Variants in RFLNA observed in about 807,000 individuals in gnomAD.
The protein encoded by RFLNA is refilin A.
In RFLNA, 5 loss-of-function variants were observed where a neutral mutation model predicts 7.8. The ratio of observed to expected loss-of-function variants is 0.64; its 90% CI spans 0.34 to 1.35. RFLNA has a LOEUF of 1.35. Ranked by LOEUF, RFLNA falls within the 40% of genes most tolerant of loss-of-function variation. The pLI, the probability that RFLNA is intolerant of heterozygous loss-of-function variation, is 0.04. For synonymous variants in RFLNA, 141 were observed against 131.3 expected (o/e 1.07, Z -0.50); for missense variants, 278 against 305.5 (o/e 0.91, Z 0.67).
intron 1 of RFLNA, among the ~76,000 whole-genome samples, chr12:124,311,029 T>C (rs1239790418): frequency 1.3e-5 from 2 of 152,184 alleles, no homozygotes; most frequent in Non-Finnish European, 2.9e-5. Context: ...ATCTTTCACA[T>C]CTTTGACTCC....
rs2034320159 is a variant in RFLNA at position 124,314,709 on chromosome 12, G to A, written c.*184G>A. Reference sequence around the variant, plus strand: ...TGCCCTGACCTACAGGCTAGGTGGTGGTCTCCTTGTTTTGGTGTCAAGGAC... The same window carrying A: ...TGCCCTGACCTACAGGCTAGGTGGTAGTCTCCTTGTTTTGGTGTCAAGGAC... On this transcript the variant is annotated 3_prime_UTR_variant, in exon 3 of 3. Transcript: ENST00000546355. 3.0e-6 allele frequency: 3 copies of A among 1,005,192 alleles called. No individual in the cohort carries two copies. The highest frequency in any genetic ancestry group is 2.6e-5 in the East Asian group (1 of 38,486). 62.3% of individuals were successfully genotyped at this position (1,005,192 alleles called of 1,614,324 possible). A position where few individuals can be genotyped will look rare whatever the true frequency, so the allele number is the denominator to read the frequency against.
Position 124,314,334 on chromosome 12 carries a change from A to G in RFLNA, c.460A>G (p.Thr154Ala). ...CTWRNYRSQL[T>A]LEPRPRALRF... is the part of the protein sequence containing the mutation. ...GTGGCGCAACTACCGCAGCCAGCTG[A>G]CCCTGGAGCCACGCCCGCGCGCCCT... Residue 154 changes from threonine (T) to alanine (A), a missense_variant, in exon 3 of 3, where the codon ACC (threonine) becomes GCC (alanine). Transcript: ENST00000546355. 6.2e-7 allele frequency: 1 copy of G among 1,613,434 alleles called. No homozygotes were observed. Among genetic ancestry groups the G allele is most frequent in the Non-Finnish European group, 8.5e-7 (1 of 1,179,996 alleles).
At chr12:124,296,072 T>TTTTCTTTCTTCTTTCTTTCTTTC (rs2033904412) in intron 1 of RFLNA, among the ~76,000 whole-genome samples, 5 of 94,650 alleles carry the variant, frequency 5.3e-5, no homozygotes, top group Non-Finnish European at 1.0e-4. Context: ...TGTGAAAGCC[T>TTTTCTTTCTTCTTTCTTTCTTTC]TTTCTTTCTT....
chr12:124,304,217 CTTCCCT>C (rs1174664600), intron 1 of RFLNA, among the ~76,000 whole-genome samples: 6 of 152,388 alleles, frequency 3.9e-5, no homozygotes, highest in Non-Finnish European at 8.8e-5. Flanking sequence ...CTGCCACCAT[CTTCCCT>C]TGGTGTCCAG....
chr12:124,294,910 G>C (rs1049695320), upstream of RFLNA, among the ~76,000 whole-genome samples: 3 of 152,226 alleles, frequency 2.0e-5, no homozygotes, highest in African/African-American at 7.2e-5. Flanking sequence ...TGCTTGTTCC[G>C]GGAGTGGGGG....
chr12:124,302,745 G>C (rs1216532148), intron 1 of RFLNA, among the ~76,000 whole-genome samples: 1 of 148,288 alleles, frequency 6.7e-6, no homozygotes, highest in Non-Finnish European at 1.5e-5. Flanking sequence ...TCTGACAGCA[G>C]CAGGGGTTCT....
Position 124,314,349 on chromosome 12 carries a change from C to T in RFLNA, c.475C>T (p.Pro159Ser). The T allele has an allele frequency of 6.2e-7, 1 of 1,613,406 alleles. No individual in the cohort carries two copies. The highest frequency in any genetic ancestry group is 8.5e-7 in the Non-Finnish European group (1 of 1,179,970). ...CAGCCAGCTGACCCTGGAGCCACGC[C>T]CGCGCGCCCTGCGCTTCCGCAGCAC... ...YRSQLTLEPR[P>S]RALRFRSTTI... is the part of the protein sequence containing the mutation. The change falls in exon 3 of 3, where the codon CCG (proline) becomes TCG (serine). Residue 159 changes from proline to serine, a missense_variant. Transcript: ENST00000546355.
At position 124,311,928 on chromosome 12, in the gene RFLNA, G is replaced by A. The variant is rs779788414; in HGVS notation, c.317+1G>A. 6.3e-7 allele frequency: 1 copy of A among 1,580,836 alleles called. No homozygotes were observed. On this transcript the variant is annotated splice_donor_variant, in intron 2 of 2. Coordinates refer to ENST00000546355, the MANE Select transcript of RFLNA (RefSeq NM_001365156.1). LOFTEE classifies it high-confidence loss of function. ...ACCCGGAACCCACGCATGAGATCCG[G>A]TGAGTGGGCCACTGGGCTCTGCGCG...
chr12:124,314,978 T>A lies in RFLNA; in HGVS notation c.*453T>A. On this transcript the variant is annotated 3_prime_UTR_variant, in exon 3 of 3. Transcript: ENST00000546355. ...CTAGGCTGGTGGCCAAGGCCATGTG[T>A]GAGGGAAGAGGGGTACCTCTCTTCC... 6.5e-6 allele frequency: 2 copies of A among 307,372 alleles called. No individual in the cohort carries two copies. Among genetic ancestry groups the A allele is most frequent in the Non-Finnish European group, 1.3e-5 (2 of 155,344 alleles). 19.0% of individuals were successfully genotyped at this position (307,372 alleles called of 1,614,324 possible).
At chr12:124,298,489 G>A (rs1229836743) in intron 1 of RFLNA, among the ~76,000 whole-genome samples, 1 of 152,208 alleles carries the variant, frequency 6.6e-6, no homozygotes, top group African/African-American at 2.4e-5. Context: ...GAGCAAAGGT[G>A]GGAACATTCC....
chr12:124,300,385 CT>C (rs889201886), intron 1 of RFLNA, among the ~76,000 whole-genome samples: 7 of 152,232 alleles, frequency 4.6e-5, no homozygotes. Flanking sequence ...TCCCTAAGAA[CT>C]CCCCTGGGGG....
At chr12:124,308,440 A>G (rs1021604414) in intron 1 of RFLNA, among the ~76,000 whole-genome samples, 3 of 150,514 alleles carry the variant, frequency 2.0e-5, no homozygotes, top group Admixed American at 6.6e-5. Flanking sequence ...TTGGGGGGGG[A>G]CCCTGTTCTA....
At chr12:124,302,466 C>A (rs2034054717) in intron 1 of RFLNA, among the ~76,000 whole-genome samples, 1 of 152,028 alleles carries the variant, frequency 6.6e-6, no homozygotes, top group African/African-American at 2.4e-5. Context: ...TCCTGGGATC[C>A]CCCCCAAGCA....
Position 124,303,988 on chromosome 12 carries a change from C to T in RFLNA, c.208-7830C>T, listed in dbSNP as rs12426531. ...GGCCCTCCCCTGCCTTGCCAGCCCC[C>T]GTGGGACTGTGTGTGACCCAGTCTT... On this transcript the variant is annotated intron_variant, in intron 1 of 2. Coordinates refer to ENST00000546355, the MANE Select transcript of RFLNA (RefSeq NM_001365156.1). 3.4e-3 allele frequency among the ~76,000 whole-genome samples: 514 copies of T among 152,334 alleles called. 9 individuals are homozygous for T. The highest frequency in any genetic ancestry group is 0.025 in the Admixed American group (378 of 15,306).
At chr12:124,303,824 C>G (rs1358341961) in intron 1 of RFLNA, among the ~76,000 whole-genome samples, 1 of 152,132 alleles carries the variant, frequency 6.6e-6, no homozygotes, top group Non-Finnish European at 1.5e-5. Flanking sequence ...TGTGGGAGGG[C>G]GCTGCAGCCT....
At position 124,295,397 on chromosome 12, in the gene RFLNA, G is replaced by A; in HGVS notation, c.-33G>A. On this transcript the variant is annotated 5_prime_UTR_variant, in exon 1 of 3. Coordinates refer to ENST00000546355, the MANE Select transcript of RFLNA (RefSeq NM_001365156.1). The stretch of plus-strand genomic sequence containing the variant: ...GAGCGCGGTGGAGAAGCCCCCGGAG[G>A]AGCGGGGGGCCCGCGCCCCGCGCCC... 1 of 1,185,504 alleles carries A rather than the reference G, an allele frequency of 8.4e-7. No individual in the cohort carries two copies. Among genetic ancestry groups the A allele is most frequent in the South Asian group, 4.2e-5 (1 of 23,742 alleles). The allele number at this position is 1,185,504 out of a possible 1,614,324, so 73.4% of individuals were successfully genotyped here.
chr12:124,295,103 G>C lies in RFLNA; in HGVS notation c.-327G>C, dbSNP rs1180440561. On this transcript the variant is annotated 5_prime_UTR_variant, in exon 1 of 3. Transcript: ENST00000546355. Reference sequence around the variant, plus strand: ...GGGCCGGGGAGGTGCGGAGAGGGCCGGGCGGCAACGTGCGCCTCGGGGCTG... The same window carrying C: ...GGGCCGGGGAGGTGCGGAGAGGGCCCGGCGGCAACGTGCGCCTCGGGGCTG... 6.6e-6 allele frequency: 1 copy of C among 152,238 alleles called. No individual in the cohort carries two copies. The highest frequency in any genetic ancestry group is 1.5e-5 in the Non-Finnish European group (1 of 68,064). The allele number at this position is 152,238 out of a possible 1,614,324, so 9.4% of individuals were successfully genotyped here.
intron 2 of RFLNA, among the ~76,000 whole-genome samples, chr12:124,313,435 T>C: frequency 6.6e-6 from 1 of 152,168 alleles, no homozygotes; most frequent in Non-Finnish European, 1.5e-5. Context: ...TCCCAGCACT[T>C]TGGGAGGCCG....
At chr12:124,308,571 T>C (rs1010570434) in intron 1 of RFLNA, among the ~76,000 whole-genome samples, 3 of 152,348 alleles carry the variant, frequency 2.0e-5, no homozygotes, top group African/African-American at 4.8e-5. Flanking sequence ...CACTGGGCCA[T>C]GCCCCACCTC....
Sources: allele counts gnomAD v4.1 joint callset (sites outside exome capture counted in the v4.1 genomes callset), GRCh38; gene constraint gnomAD v4.1.1; transcripts MANE v1.5; gene names NCBI Gene and HGNC (gene_info 2026-07-23, HGNC 2026-07-21).